The following WASHC2A variants were observed in gnomAD, a reference collection of about 807,000 sequenced individuals.
WASHC2A encodes WASH complex subunit 2A.
In WASHC2A, 82 loss-of-function variants were observed where a neutral mutation model predicts 140.3. That is an observed-to-expected ratio of 0.58 (90% confidence interval 0.49 to 0.70). WASHC2A has a LOEUF of 0.70. WASHC2A is among the 30% of genes least tolerant of loss of function. The probability of loss-of-function intolerance (pLI) is 0.00; values close to 1 mark genes in which losing one functional copy is unlikely to be tolerated. For synonymous variants in WASHC2A, 340 were observed against 560.8 expected (o/e 0.61, Z 5.56); for missense variants, 985 against 1,521.8 (o/e 0.65, Z 5.87).
Position 50,069,624 on chromosome 10 carries a change from A to C in WASHC2A, c.204A>C (p.Leu68=). The change falls in exon 3 of 31, where the codon CTA becomes CTC. Residue 68 remains leucine (L), a synonymous_variant. Transcript: ENST00000282633. ...THEIKKQVDG[L]IRETKATDCR... ...AAATCAAGAAACAAGTGGACGGACT[A>C]ATTCGGGAAACCAAAGCCACAGATT... 6.2e-7 allele frequency: 1 copy of C among 1,613,984 alleles called. No homozygotes were observed. The highest frequency in any genetic ancestry group is 2.2e-5 in the East Asian group (1 of 44,874).
Position 50,083,412 on chromosome 10 carries a change from A to G in WASHC2A, c.529-660A>G, listed in dbSNP as rs1313790336. 3.5e-5 allele frequency among the ~76,000 whole-genome samples: 4 copies of G among 113,426 alleles called. 2 individuals are homozygous for G. The highest frequency in any genetic ancestry group is 1.5e-4 in the African/African-American group (4 of 26,932). The allele number at this position is 113,426 out of a possible 152,430, so 74.4% of individuals were successfully genotyped here. A position where few individuals can be genotyped will look rare whatever the true frequency, so the allele number is the denominator to read the frequency against. On this transcript the variant is annotated intron_variant, in intron 5 of 30. Coordinates refer to ENST00000282633, the MANE Select transcript of WASHC2A (RefSeq NM_001005751.3). ...CTTTCCTTGGTCCTCCTCTTCTTGG[A>G]CCTTATACTAGGAGGTTGTACCCTT...
intron 19 of WASHC2A, among the ~76,000 whole-genome samples, chr10:50,107,623 G>A (rs1430098989): frequency 6.7e-6 from 1 of 150,206 alleles, no homozygotes; most frequent in Non-Finnish European, 1.5e-5. Flanking sequence ...AAAAAAAAAT[G>A]TATTAAAAGC....
Position 50,068,111 on chromosome 10 carries a change from C to G in WASHC2A, c.10C>G (p.Arg4Gly), listed in dbSNP as rs1554874641. 11 of 1,607,232 alleles carry G rather than the reference C, an allele frequency of 6.8e-6. No homozygotes were observed. The highest frequency in any genetic ancestry group is 1.4e-5 in the African/African-American group (1 of 73,806). The part of the protein sequence containing the change: MMN[R>G]TTPDQELAPA... ...CTCGTTTTTTTCGCTGCAGATGAACCGGACGACCCCCGACCAGGAGCTGGC... is the reference window on the plus strand; with the variant it reads ...CTCGTTTTTTTCGCTGCAGATGAACGGGACGACCCCCGACCAGGAGCTGGC... The change falls in exon 2 of 31, where the codon CGG becomes GGG. Residue 4 changes from arginine to glycine, a missense_variant. By Grantham distance (125) the Arg-to-Gly change is moderately radical. Transcript: ENST00000282633.
At chr10:50,072,830 C>T (rs1192040584) in intron 3 of WASHC2A, among the ~76,000 whole-genome samples, 2 of 152,100 alleles carry the variant, frequency 1.3e-5, no homozygotes, top group African/African-American at 2.4e-5. Context: ...GACATCAGTA[C>T]TTAGGTGTTA....
intron 15 of WASHC2A, 42 bp from the exon 16 acceptor site, chr10:50,097,633 G>A: frequency 5.4e-6 from 8 of 1,485,056 alleles, no homozygotes; most frequent in South Asian, 1.3e-5. Context: ...GTGATAGGAT[G>A]TTTGACGTTA....
At chr10:50,069,808 G>A (rs1204428659) in intron 3 of WASHC2A, 97 bp downstream of exon 3, 6 of 1,295,666 alleles carry the variant, frequency 4.6e-6, no homozygotes, top group Non-Finnish European at 5.2e-6. Context: ...AATTTTGGTG[G>A]AAGTGTGGTT....
Position 50,126,065 on chromosome 10 carries a change from G to T in WASHC2A, c.2697G>T (p.Glu899Asp). The change falls in exon 26 of 31, where the codon GAG becomes GAT. Residue 899 changes from glutamate (E) to aspartate (D), a missense_variant. Coordinates refer to ENST00000282633, the MANE Select transcript of WASHC2A (RefSeq NM_001005751.3). Reference protein sequence around the residue: ...SSAKSQPLVQEKKRVVKKDHS... With the variant: ...SSAKSQPLVQDKKRVVKKDHS... The stretch of plus-strand genomic sequence containing the variant: ...TTTTTTTTCTTTTGAAGGTACAAGA[G>T]AAAAAGAGAGTAGTGAAAAAAGACC... The T allele has an allele frequency of 6.2e-7, 1 of 1,613,420 alleles. No individual in the cohort carries two copies.
intron 27 of WASHC2A, 89 bp downstream of exon 27, chr10:50,127,311 A>T: frequency 7.5e-6 from 12 of 1,607,664 alleles, no homozygotes; most frequent in East Asian, 2.2e-5. Flanking sequence ...GCTGCCAAGC[A>T]TCTTCTCATC....
intron 17 of WASHC2A, among the ~76,000 whole-genome samples, chr10:50,101,812 C>G (rs1841213837): frequency 6.9e-6 from 1 of 145,928 alleles, no homozygotes; most frequent in Admixed American, 6.9e-5. Context: ...GGTGGCTGGG[C>G]TGAGGATCAC....
intron 13 of WASHC2A, 125 bp downstream of exon 13, chr10:50,094,042 A>C: frequency 6.8e-7 from 1 of 1,477,796 alleles, no homozygotes; most frequent in Admixed American, 1.9e-5. Flanking sequence ...TGTTGTTTTT[A>C]CTGTGGTCCA....
chr10:50,076,368 A>G (rs1350617420), intron 3 of WASHC2A, among the ~76,000 whole-genome samples: 2 of 152,248 alleles, frequency 1.3e-5, no homozygotes, highest in African/African-American at 4.8e-5. Context: ...TTCTGCTGGA[A>G]ATCATGATAC....
chr10:50,068,143 G>T lies in WASHC2A; in HGVS notation c.42G>T (p.Ala14=), dbSNP rs1837450859. ...CCCCCGACCAGGAGCTGGCGCCAGC[G>T]TCGGAGCCCGTGTGGGAGCGGCCGT... is the stretch of plus-strand genomic sequence containing the variant. ...RTTPDQELAP[A]SEPVWERPWS... is the part of the protein sequence containing the mutation. Residue 14 remains alanine, a synonymous_variant, in exon 2 of 31, where the codon GCG becomes GCT. Transcript: ENST00000282633. 1 of 1,601,982 alleles carries T rather than the reference G, an allele frequency of 6.2e-7. No individual in the cohort carries two copies. The highest frequency in any genetic ancestry group is 8.5e-7 in the Non-Finnish European group (1 of 1,174,944).
chr10:50,127,158 A>G lies in WASHC2A; in HGVS notation c.2812-2A>G. On this transcript the variant is annotated splice_acceptor_variant, in intron 26 of 30. Transcript: ENST00000282633. LOFTEE classifies it high-confidence loss of function. ...TTTTTAACTGGATGTAATTTTACAC[A>G]GGACTCATCAGGTCTCGCTCCATTT... 6.2e-7 allele frequency: 1 copy of G among 1,612,104 alleles called. No individual in the cohort carries two copies. Among genetic ancestry groups the G allele is most frequent in the South Asian group, 1.1e-5 (1 of 90,994 alleles).
chr10:50,087,303 G>A lies in WASHC2A; in HGVS notation c.713G>A (p.Ser238Asn). 1 of 1,613,942 alleles carries A rather than the reference G, an allele frequency of 6.2e-7. No homozygotes were observed. Among genetic ancestry groups the A allele is most frequent in the Non-Finnish European group, 8.5e-7 (1 of 1,179,864 alleles). ...TCAGATGAAGATTTTGCCCATCATAGTGACAATGAACAAAACCGGGTAAGG... is the reference window on the plus strand; with the variant it reads ...TCAGATGAAGATTTTGCCCATCATAATGACAATGAACAAAACCGGGTAAGG... ...EESDEDFAHH[S>N]DNEQNRHTTQ... The change falls in exon 8 of 31, where the codon AGT becomes AAT. Residue 238 changes from serine to asparagine, a missense_variant. Coordinates refer to ENST00000282633, the MANE Select transcript of WASHC2A (RefSeq NM_001005751.3).
intron 17 of WASHC2A, 116 bp downstream of exon 17, chr10:50,100,180 T>G: frequency 6.8e-7 from 1 of 1,474,200 alleles, no homozygotes; most frequent in Non-Finnish European, 9.2e-7. Flanking sequence ...GTACTCCAGT[T>G]CTTTAAAAAT....
intron 17 of WASHC2A, among the ~76,000 whole-genome samples, chr10:50,102,046 G>A (rs1554887016): frequency 6.6e-6 from 1 of 152,196 alleles, no homozygotes; most frequent in Non-Finnish European, 1.5e-5. Flanking sequence ...GGCCAAGATG[G>A]TCACAATGGC....
intron 11 of WASHC2A, among the ~76,000 whole-genome samples, 157 bp downstream of exon 11, chr10:50,092,390 G>A (rs1282786426): frequency 6.6e-6 from 1 of 152,202 alleles, no homozygotes; most frequent in Non-Finnish European, 1.5e-5. Context: ...GGGCGCGGTG[G>A]CTCACACCTG....
At chr10:50,112,873 T>C (rs1169426714) in intron 20 of WASHC2A, among the ~76,000 whole-genome samples, 1 of 148,270 alleles carries the variant, frequency 6.7e-6, no homozygotes, top group East Asian at 2.0e-4. Context: ...AGTAGATTAG[T>C]GGTTGCCAGG....
chr10:50,078,562 A>C, intron 3 of WASHC2A, 113 bp from the exon 4 acceptor site: 1 of 1,609,120 alleles, frequency 6.2e-7, no homozygotes, highest in Admixed American at 1.7e-5. Context: ...CCCTTTGCTG[A>C]ATAACCATTT....
Sources: allele counts gnomAD v4.1 joint callset (sites outside exome capture counted in the v4.1 genomes callset), GRCh38; gene constraint gnomAD v4.1.1; transcripts MANE v1.5; gene names NCBI Gene and HGNC (gene_info 2026-07-23, HGNC 2026-07-21).